ULK4: variants seen among roughly 807,000 people sequenced by gnomAD.
The protein encoded by ULK4 is unc-51 like kinase 4.
In ULK4, 133 loss-of-function variants were observed where a neutral mutation model predicts 160.6. The ratio of observed to expected loss-of-function variants is 0.83; its 90% CI spans 0.72 to 0.96. The LOEUF (loss-of-function observed/expected upper bound fraction) is 0.96. Ranked by LOEUF, ULK4 falls within the 40% of genes least tolerant of loss-of-function variation. The pLI, the probability that ULK4 is intolerant of heterozygous loss-of-function variation, is 0.00. For synonymous variants in ULK4, 534 were observed against 539.8 expected (o/e 0.99, Z 0.15); for missense variants, 1,580 against 1,499.5 (o/e 1.05, Z -0.89).
intron 27 of ULK4, among the ~76,000 whole-genome samples, chr3:41,700,864 A>G (rs966272603): frequency 2.0e-4 from 30 of 152,240 alleles, no homozygotes; most frequent in African/African-American, 7.0e-4. Flanking sequence ...GGAACAGGAA[A>G]TCATAAAAAG....
intron 18 of ULK4, among the ~76,000 whole-genome samples, chr3:41,833,101 G>C (rs973784025): frequency 6.6e-6 from 1 of 152,044 alleles, no homozygotes; most frequent in South Asian, 2.1e-4. Context: ...AAATAGCATT[G>C]AATCTATAAA....
At chr3:41,767,530 C>T (rs573574080) in intron 21 of ULK4, among the ~76,000 whole-genome samples, 85 of 152,230 alleles carry the variant, frequency 5.6e-4, no homozygotes, top group South Asian at 3.1e-3. Context: ...CTCCCAAATA[C>T]GCACTTCTCC....
intron 27 of ULK4, among the ~76,000 whole-genome samples, chr3:41,690,084 A>AT (rs2036239590): frequency 1.4e-5 from 2 of 146,630 alleles, no homozygotes; most frequent in South Asian, 4.4e-4. Context: ...AATGTGGCAC[A>AT]TATACACCAT....
intron 35 of ULK4, among the ~76,000 whole-genome samples, chr3:41,255,297 C>G (rs2078814363): frequency 6.6e-6 from 1 of 151,980 alleles, no homozygotes; most frequent in Non-Finnish European, 1.5e-5. Context: ...GCCTGGCTGA[C>G]ACGGTGAAAC....
At chr3:41,316,809 G>A (rs1279845676) in intron 35 of ULK4, among the ~76,000 whole-genome samples, 1 of 152,092 alleles carries the variant, frequency 6.6e-6, no homozygotes, top group Admixed American at 6.5e-5. Context: ...TGAAGGCAGC[G>A]CCTTTTTTAG....
At chr3:41,621,906 CA>C (rs2033259862) in intron 30 of ULK4, among the ~76,000 whole-genome samples, 1 of 151,962 alleles carries the variant, frequency 6.6e-6, no homozygotes, top group African/African-American at 2.4e-5. Flanking sequence ...AGAACTTAAA[CA>C]AATTTACAAG....
intron 32 of ULK4, among the ~76,000 whole-genome samples, chr3:41,529,210 G>A (rs1429055615): frequency 6.6e-6 from 1 of 152,074 alleles, no homozygotes; most frequent in Non-Finnish European, 1.5e-5. Flanking sequence ...TTTTTGGAGG[G>A]AGCATTCTTC....
intron 2 of ULK4, among the ~76,000 whole-genome samples, chr3:41,939,826 G>C (rs1268800252): frequency 6.6e-6 from 1 of 152,118 alleles, no homozygotes; most frequent in Non-Finnish European, 1.5e-5. Flanking sequence ...AGTGGCATTA[G>C]ATTCTCACAG....
At chr3:41,575,591 A>C (rs2088161292) in intron 31 of ULK4, among the ~76,000 whole-genome samples, 1 of 152,182 alleles carries the variant, frequency 6.6e-6, no homozygotes, top group South Asian at 2.1e-4. Context: ...GGCAACTTAA[A>C]ATTATTTTTA....
At chr3:41,917,531 A>G (rs1461316774) in intron 7 of ULK4, among the ~76,000 whole-genome samples, 1 of 152,136 alleles carries the variant, frequency 6.6e-6, no homozygotes, top group Non-Finnish European at 1.5e-5. Flanking sequence ...GTGTCTTAAG[A>G]TAAACTTTAA....
intron 1 of ULK4, among the ~76,000 whole-genome samples, chr3:41,959,351 A>G (rs80066790): frequency 0.15 from 19,983 of 131,834 alleles, 1,479 homozygotes; most frequent in Middle Eastern, 0.27. Flanking sequence ...GGAACAGAAC[A>G]AGATTCCATC....
At chr3:41,734,134 A>G (rs931443283) in intron 22 of ULK4, among the ~76,000 whole-genome samples, 3 of 152,124 alleles carry the variant, frequency 2.0e-5, no homozygotes, top group African/African-American at 7.2e-5. Context: ...CAGTTAGGAG[A>G]CCAGTGTCAG....
chr3:41,283,965 AAAAT>A (rs58834032), intron 35 of ULK4, among the ~76,000 whole-genome samples: 5 of 150,326 alleles, frequency 3.3e-5, no homozygotes, highest in Admixed American at 6.6e-5. Context: ...ATAGCTGCCA[AAAAT>A]AAATAAATAA....
At chr3:41,556,346 T>G (rs1158981491) in intron 32 of ULK4, among the ~76,000 whole-genome samples, 1 of 152,076 alleles carries the variant, frequency 6.6e-6, no homozygotes, top group Non-Finnish European at 1.5e-5. Flanking sequence ...AATTTACAAC[T>G]GACTCTAAAA....
chr3:41,754,183 GA>G (rs1222970247), intron 22 of ULK4, among the ~76,000 whole-genome samples, 177 bp downstream of exon 22: 1 of 152,100 alleles, frequency 6.6e-6, no homozygotes, highest in African/African-American at 2.4e-5. Flanking sequence ...TATAGTTTCA[GA>G]GGTCTTCTCT....
In ULK4 at chr3:41,915,936, C is replaced by A. The variant is rs765715915; in HGVS notation, c.803+41G>T. On this transcript the variant is annotated intron_variant, in intron 8 of 36. Coordinates refer to ENST00000301831, the MANE Select transcript of ULK4 (RefSeq NM_017886.4). ...ACTGCCCCTTACTCCATTTGCAGAA[C>A]TCAAAAGAAAAAGAAAAAAAGATCG... 3 of 1,421,560 alleles carry A rather than the reference C, an allele frequency of 2.1e-6. No homozygotes were observed. The South Asian group carries it at 3.8e-5, about 18-fold the overall frequency. 88.1% of individuals were successfully genotyped at this position (1,421,560 alleles called of 1,614,324 possible). A position where few individuals can be genotyped will look rare whatever the true frequency, so the allele number is the denominator to read the frequency against.
chr3:41,387,825 A>G (rs542345046), intron 35 of ULK4, among the ~76,000 whole-genome samples: 1 of 152,332 alleles, frequency 6.6e-6, no homozygotes, highest in Admixed American at 6.5e-5. Context: ...ATAGTGCCTC[A>G]GTAAACGTAC....
intron 34 of ULK4, among the ~76,000 whole-genome samples, chr3:41,433,964 C>T (rs967751837): frequency 1.3e-5 from 2 of 152,250 alleles, no homozygotes; most frequent in African/African-American, 2.4e-5. Context: ...CCTCGTGATC[C>T]GCCCGCCTTG....
intron 30 of ULK4, among the ~76,000 whole-genome samples, chr3:41,634,180 T>C (rs1036261710): frequency 6.6e-5 from 10 of 152,186 alleles, no homozygotes; most frequent in African/African-American, 2.4e-4. Flanking sequence ...TTCTGACCCA[T>C]TACCAGGGAT....
Sources: allele counts gnomAD v4.1 joint callset (sites outside exome capture counted in the v4.1 genomes callset), GRCh38; gene constraint gnomAD v4.1.1; transcripts MANE v1.5; gene names NCBI Gene and HGNC (gene_info 2026-07-23, HGNC 2026-07-21).